The following RNLS variants were observed in gnomAD, a reference collection of about 807,000 sequenced individuals.
The protein encoded by RNLS is renalase.
A neutral mutation model predicts 39.8 loss-of-function variants in RNLS; 39 were observed. The observed-to-expected ratio is 0.98, with a 90% CI of 0.76 to 1.28. The LOEUF (loss-of-function observed/expected upper bound fraction) is 1.28, where lower values mean the gene tolerates loss of function less well. RNLS is among the 50% of genes most tolerant of loss of function. RNLS has a pLI of 0.00. For missense variants in RNLS, 410 were observed against 413.3 expected (o/e 0.99, Z 0.07); for synonymous variants, 147 against 150.7 (o/e 0.98, Z 0.18).
chr10:88,380,803 T>C (rs1851424930), intron 4 of RNLS, among the ~76,000 whole-genome samples: 1 of 152,222 alleles, frequency 6.6e-6, no homozygotes, highest in East Asian at 1.9e-4. Context: ...TCTGACTCTA[T>C]CTTGAATTTA....
the RNLS span, among the ~76,000 whole-genome samples, chr10:88,195,095 T>G: frequency 2.0e-4 from 31 of 152,212 alleles, no homozygotes; most frequent in Non-Finnish European, 4.3e-4. Context: ...AAGCATCCAA[T>G]GCATTCATCA....
chr10:88,403,761 C>G (rs545975341), intron 4 of RNLS, among the ~76,000 whole-genome samples: 1 of 151,440 alleles, frequency 6.6e-6, no homozygotes, highest in Non-Finnish European at 1.5e-5. Context: ...ATGGGCTGTG[C>G]CTGGGGGCTT....
chr10:88,346,312 C>T (rs1460295727), intron 5 of RNLS, among the ~76,000 whole-genome samples: 1 of 152,140 alleles, frequency 6.6e-6, no homozygotes, highest in African/African-American at 2.4e-5. Flanking sequence ...CAGATGTATA[C>T]TCCTCAGAGA....
chr10:88,200,562 C>T, the RNLS span, among the ~76,000 whole-genome samples: 1 of 152,166 alleles, frequency 6.6e-6, no homozygotes, highest in African/African-American at 2.4e-5. Context: ...TCATTTATTC[C>T]TTTGTGGTAC....
chr10:88,391,423 T>G (rs1662797025), intron 4 of RNLS, among the ~76,000 whole-genome samples: 1 of 152,114 alleles, frequency 6.6e-6, no homozygotes, highest in African/African-American at 2.4e-5. Context: ...CCGGGCATGG[T>G]GGTAGGCACC....
chr10:88,437,716 A>G (rs927713790), intron 4 of RNLS, among the ~76,000 whole-genome samples: 2 of 152,172 alleles, frequency 1.3e-5, no homozygotes, highest in African/African-American at 2.4e-5. Context: ...GTCTAAGCCA[A>G]TCATGGTACT....
At chr10:88,437,527 T>C (rs1168691643) in intron 4 of RNLS, among the ~76,000 whole-genome samples, 1 of 152,190 alleles carries the variant, frequency 6.6e-6, no homozygotes, top group Non-Finnish European at 1.5e-5. Context: ...CTACAAAGCA[T>C]TTCCAGATTC....
the RNLS span, among the ~76,000 whole-genome samples, chr10:88,259,769 A>G: frequency 6.6e-6 from 1 of 152,152 alleles, no homozygotes; most frequent in Admixed American, 6.5e-5. Context: ...CTTTGAGACC[A>G]AGTCTCGCTC....
chr10:88,570,247 G>T (rs984918165), intron 4 of RNLS, among the ~76,000 whole-genome samples: 19 of 152,108 alleles, frequency 1.2e-4, no homozygotes, highest in African/African-American at 3.6e-4. Context: ...TAAAAAATAA[G>T]GTCCATTGTC....
chr10:88,558,378 A>C (rs1395615119), intron 4 of RNLS, among the ~76,000 whole-genome samples: 2 of 152,168 alleles, frequency 1.3e-5, no homozygotes, highest in African/African-American at 4.8e-5. Flanking sequence ...TAATTTAGGA[A>C]AGTGCTTAAC....
intron 5 of RNLS, among the ~76,000 whole-genome samples, chr10:88,323,707 G>A (rs1047129464): frequency 6.6e-6 from 1 of 152,226 alleles, no homozygotes; most frequent in Admixed American, 6.5e-5. Context: ...AAGAATATAT[G>A]ACTAAGACCT....
intron 4 of RNLS, among the ~76,000 whole-genome samples, chr10:88,486,266 C>T (rs1844510848): frequency 6.6e-6 from 1 of 151,834 alleles, no homozygotes; most frequent in African/African-American, 2.4e-5. Context: ...ACAATAAAAA[C>T]CTGGAAGACA....
intron 5 of RNLS, among the ~76,000 whole-genome samples, chr10:88,356,539 G>C (rs181514180): frequency 6.6e-6 from 1 of 152,106 alleles, no homozygotes; most frequent in Non-Finnish European, 1.5e-5. Context: ...AAGAGTTGAC[G>C]TAATAAATAG....
chr10:88,223,054 A>C, the RNLS span, among the ~76,000 whole-genome samples: 1 of 152,216 alleles, frequency 6.6e-6, no homozygotes, highest in East Asian at 1.9e-4. Flanking sequence ...CCCCTATATG[A>C]TTAATGAGGC....
chr10:88,214,776 C>T, the RNLS span, among the ~76,000 whole-genome samples: 1 of 152,048 alleles, frequency 6.6e-6, no homozygotes, highest in Non-Finnish European at 1.5e-5. Context: ...AGAGGCTGAA[C>T]AAATGAATGG....
At chr10:88,193,783 G>A in the RNLS span, among the ~76,000 whole-genome samples, 1 of 152,078 alleles carries the variant, frequency 6.6e-6, no homozygotes, top group Non-Finnish European at 1.5e-5. Flanking sequence ...TGAGGGCAAG[G>A]ACTGTGCTGT....
chr10:88,309,275 A>G (rs1372457159), intron 6 of RNLS: 4 of 384,618 alleles, frequency 1.0e-5, no homozygotes, highest in African/African-American at 4.4e-5. Context: ...CTGAACTTAA[A>G]AGTTAAAAAA....
chr10:88,268,178 C>T, the RNLS span, among the ~76,000 whole-genome samples: 2 of 152,190 alleles, frequency 1.3e-5, no homozygotes, highest in Admixed American at 1.3e-4. Context: ...CAAGCTCACC[C>T]TCTGAAGGCT....
chr10:88,470,291 C>T (rs1843442854), intron 4 of RNLS, among the ~76,000 whole-genome samples: 1 of 151,892 alleles, frequency 6.6e-6, no homozygotes, highest in African/African-American at 2.4e-5. Context: ...GCATAGTACC[C>T]GATAGGTAGA....
Sources: allele counts gnomAD v4.1 joint callset (sites outside exome capture counted in the v4.1 genomes callset), GRCh38; gene constraint gnomAD v4.1.1; transcripts MANE v1.5; gene names NCBI Gene and HGNC (gene_info 2026-07-23, HGNC 2026-07-21).